SIRT2: variants seen among roughly 807,000 people sequenced by gnomAD.
The protein encoded by SIRT2 is NAD-dependent protein deacetylase sirtuin-2.
A neutral mutation model predicts 57.4 loss-of-function variants in SIRT2; 40 were observed. That is an observed-to-expected ratio of 0.70 (90% CI 0.54 to 0.91). SIRT2 has a LOEUF of 0.91. SIRT2 is among the 40% of genes least tolerant of loss of function. The pLI is 0.00. For missense variants in SIRT2, 439 were observed against 510.4 expected, an observed-to-expected ratio of 0.86 and a Z score of 1.35; for synonymous variants, 161 against 195.7, an observed-to-expected ratio of 0.82 and a Z score of 1.48.
rs200348640 is a variant in SIRT2, at chr19:38,899,555, G to A, written c.-34C>T. The A allele has an allele frequency of 8.1e-6, 13 of 1,613,676 alleles. No homozygotes were observed. The highest frequency in any genetic ancestry group is 1.0e-5 in the Non-Finnish European group (12 of 1,179,896). ...TGCTGAAGCCCTTGAGGCTGTCACCGACCGCTCTGTCCCGTCACCAACCAC... is the reference window on the plus strand; with the variant it reads ...TGCTGAAGCCCTTGAGGCTGTCACCAACCGCTCTGTCCCGTCACCAACCAC... On this transcript the variant is annotated 5_prime_UTR_variant, in exon 1 of 16. Transcript: ENST00000249396.
intron 9 of SIRT2, among the ~76,000 whole-genome samples, chr19:38,883,261 G>C (rs1430444043): frequency 7.0e-6 from 1 of 142,062 alleles, no homozygotes; most frequent in Non-Finnish European, 1.5e-5. Flanking sequence ...TTTTTTTTTT[G>C]TATTTCTAGT....
rs201254246 is a variant in SIRT2, at chr19:38,893,551, C to T, written c.113-24G>A. ...CACTGACCGGAAAGAAGAGAGACAGCGGCAGGACGGGCATTCAGCCAGGGG... is the reference window on the plus strand; with the variant it reads ...CACTGACCGGAAAGAAGAGAGACAGTGGCAGGACGGGCATTCAGCCAGGGG... On this transcript the variant is annotated intron_variant, in intron 3 of 15. Transcript: ENST00000249396. The T allele has an allele frequency of 4.6e-5, 70 of 1,527,764 alleles. No individual in the cohort carries two copies. In the African/African-American group the frequency reaches 5.7e-4, roughly 13 times the overall value. The allele number at this position is 1,527,764 out of a possible 1,614,324, so 94.6% of individuals were successfully genotyped here.
Position 38,881,084 on chromosome 19 carries a change from C to CT in SIRT2, c.747+15dup. 6.2e-7 allele frequency: 1 copy of CT among 1,612,140 alleles called. No individual in the cohort carries two copies. The highest frequency in any genetic ancestry group is 1.1e-5 in the South Asian group (1 of 90,780). On this transcript the variant is annotated intron_variant, in intron 11 of 15. Transcript: ENST00000249396. ...GGCGGCGGTTGGGGATGCGGGGAGG[C>CT]TGGGGGGCCACTTACTGACTGCATA...
At chr19:38,889,027 G>A in intron 8 of SIRT2, 60 bp downstream of exon 8, 1 of 1,505,084 alleles carries the variant, frequency 6.6e-7, no homozygotes, top group East Asian at 2.3e-5. Context: ...CTCCTCTGCT[G>A]AGGACACCAT....
chr19:38,886,404 A>C (rs1218753315), intron 8 of SIRT2, among the ~76,000 whole-genome samples: 1 of 152,112 alleles, frequency 6.6e-6, no homozygotes, highest in East Asian at 1.9e-4. Flanking sequence ...ACAGCGTGGA[A>C]AAGAACCACC....
chr19:38,893,621 C>T (rs1370237614), intron 3 of SIRT2, 94 bp from the exon 4 acceptor site: 2 of 1,191,880 alleles, frequency 1.7e-6, no homozygotes, highest in Admixed American at 4.0e-5. Flanking sequence ...GGGTTCCCGG[C>T]CTCCCCACAT....
chr19:38,879,680 A>G lies in SIRT2; in HGVS notation c.899T>C (p.Ile300Thr), dbSNP rs1249919598. Residue 300 changes from isoleucine to threonine, a missense_variant, in exon 14 of 16, where the codon ATT becomes ACT. By Grantham distance (89) the Ile-to-Thr change is moderately conservative (BLOSUM62 -1). Transcript: ENST00000249396. Reference sequence around the variant, plus strand: ...GTCCATGCCTCCTCCGAGGCCCATAATCATCCCCAGGAAAGGGTCCGACTG... The same window carrying G: ...GTCCATGCCTCCTCCGAGGCCCATAGTCATCCCCAGGAAAGGGTCCGACTG... ...AGQSDPFLGMIMGLGGGMDFD... is the reference protein window; with the variant it reads ...AGQSDPFLGMTMGLGGGMDFD... 6.4e-7 allele frequency: 1 copy of G among 1,572,874 alleles called. No individual in the cohort carries two copies. Among genetic ancestry groups the G allele is most frequent in the South Asian group, 1.2e-5 (1 of 85,696 alleles).
In SIRT2 at chr19:38,890,009, T is replaced by C. The variant is rs372171025; in HGVS notation, c.269-48A>G. 12 of 1,610,406 alleles carry C rather than the reference T, an allele frequency of 7.5e-6. No individual in the cohort carries two copies. The African/African-American group carries it at 9.4e-5, about 13-fold the overall frequency. ...CAGTTGGTCTATACCATACTAACCC[T>C]CCCAGGACAGGGCTCAGATAGGGCT... On this transcript the variant is annotated intron_variant, in intron 5 of 15. Transcript: ENST00000249396.
intron 4 of SIRT2, among the ~76,000 whole-genome samples, chr19:38,891,365 A>G (rs1416120606): frequency 1.3e-5 from 2 of 152,142 alleles, no homozygotes; most frequent in South Asian, 2.1e-4. Context: ...CCTGGCTAAC[A>G]TGGTGAAACC....
At chr19:38,881,830 G>C (rs1186447625) in intron 9 of SIRT2, among the ~76,000 whole-genome samples, 1 of 151,796 alleles carries the variant, frequency 6.6e-6, no homozygotes, top group Non-Finnish European at 1.5e-5. Context: ...TGGGATTACA[G>C]GTGCATGCCA....
chr19:38,892,764 G>A (rs372847620), intron 4 of SIRT2, among the ~76,000 whole-genome samples: 27 of 146,142 alleles, frequency 1.8e-4, no homozygotes, highest in South Asian at 4.2e-4. Flanking sequence ...TAGAGATGGC[G>A]GGGGGGTCTC....
intron 4 of SIRT2, chr19:38,891,950 G>A (rs1324518576): frequency 2.1e-6 from 1 of 469,446 alleles, no homozygotes. Context: ...GCTGCCTGAG[G>A]AGGGAGACAG....
intron 2 of SIRT2, among the ~76,000 whole-genome samples, chr19:38,897,591 A>T (rs3136638): frequency 0.24 from 37,006 of 151,736 alleles, 9,531 homozygotes; most frequent in African/African-American, 0.66. Context: ...GGCACAGTCA[A>T]GGCACACTAC....
In SIRT2 at chr19:38,880,798, C is replaced by T; in HGVS notation, c.824+23G>A. The T allele has an allele frequency of 1.2e-6, 2 of 1,613,502 alleles. No homozygotes were observed. The highest frequency in any genetic ancestry group is 1.7e-6 in the Non-Finnish European group (2 of 1,179,736). ...CTGGCCCTGGGTGCCCAGCCGTCCT[C>T]CCAGCCACAGCCCCCAACCTACTTG... On this transcript the variant is annotated intron_variant, in intron 12 of 15. Transcript: ENST00000249396. This position sits in a 1 kb window ranked among gnomAD's most constrained non-coding sequence, Gnocchi z 4.1.
At position 38,880,343 on chromosome 19, in the gene SIRT2, G is replaced by A; in HGVS notation, c.876+342C>T. 3.5e-6 allele frequency: 1 copy of A among 283,230 alleles called. No homozygotes were observed. The highest frequency in any genetic ancestry group is 6.6e-6 in the Non-Finnish European group (1 of 152,214). The allele number at this position is 283,230 out of a possible 1,614,324, so 17.5% of individuals were successfully genotyped here. On this transcript the variant is annotated intron_variant, in intron 13 of 15. Transcript: ENST00000249396. The surrounding 1 kb of genome is among the most constrained non-coding windows in gnomAD (Gnocchi z 4.1). ...GAGGGAGCACCTGCCCTAGAGTGAGGCTGCCCAGGAAAAACAGACCTGAGA... is the reference window on the plus strand; with the variant it reads ...GAGGGAGCACCTGCCCTAGAGTGAGACTGCCCAGGAAAAACAGACCTGAGA...
chr19:38,879,662 C>G lies in SIRT2; in HGVS notation c.917G>C (p.Gly306Ala). 1 of 1,574,652 alleles carries G rather than the reference C, an allele frequency of 6.4e-7. No individual in the cohort carries two copies. The highest frequency in any genetic ancestry group is 1.4e-5 in the African/African-American group (1 of 74,048). Residue 306 changes from glycine (G) to alanine (A), a missense_variant, in exon 14 of 16, where the codon GGC becomes GCC. Physicochemically the swap from Gly to Ala is moderately conservative, Grantham distance 60. Transcript: ENST00000249396. Reference protein sequence around the residue: ...FLGMIMGLGGGMDFDSKKAYR... With the variant: ...FLGMIMGLGGAMDFDSKKAYR... Reference sequence around the variant, plus strand: ...GGCCTTCTTGGAGTCAAAGTCCATGCCTCCTCCGAGGCCCATAATCATCCC... The same window carrying G: ...GGCCTTCTTGGAGTCAAAGTCCATGGCTCCTCCGAGGCCCATAATCATCCC...
intron 13 of SIRT2, 100 bp from the exon 14 acceptor site, chr19:38,879,802 G>T: frequency 1.2e-6 from 1 of 820,182 alleles, no homozygotes. Flanking sequence ...CTAGCTCTGT[G>T]ACTTTGTTTT....
At chr19:38,899,395 G>A in intron 1 of SIRT2, 111 bp downstream of exon 1, 1 of 1,258,432 alleles carries the variant, frequency 7.9e-7, no homozygotes, top group East Asian at 2.3e-5. Context: ...CCCACTCCCC[G>A]AAGCGCTCCC....
chr19:38,883,596 G>GGCCTGCCCTCAGGAT, intron 9 of SIRT2, 31 bp downstream of exon 9: 1 of 1,607,228 alleles, frequency 6.2e-7, no homozygotes, highest in Non-Finnish European at 8.5e-7. Context: ...GCTGAGAGGA[G>GGCCTGCCCTCAGGAT]GCCTGCCCTC....
Sources: allele counts gnomAD v4.1 joint callset (sites outside exome capture counted in the v4.1 genomes callset), GRCh38; gene constraint gnomAD v4.1.1; non-coding constraint Gnocchi (gnomAD v3.1); transcripts MANE v1.5; gene names NCBI Gene and HGNC (gene_info 2026-07-23, HGNC 2026-07-21).